Variants in KIF2C observed in about 807,000 individuals in gnomAD.
The protein encoded by KIF2C is kinesin family member 2C, also known as kinesin-like protein KIF2C.
Under a neutral mutation model 97.4 loss-of-function variants are expected in KIF2C, and 34 were observed. That is an observed-to-expected ratio of 0.35 (90% CI 0.27 to 0.46). The LOEUF is 0.46. Ranked by LOEUF, KIF2C falls within the 20% of genes least tolerant of loss-of-function variation. The pLI is 1.00. For missense variants in KIF2C, 750 were observed against 907.6 expected (o/e 0.83, Z 2.23); for synonymous variants, 313 against 318.2 (o/e 0.98, Z 0.17).
chr1:44,758,784 G>A (rs1459724939), intron 13 of KIF2C, among the ~76,000 whole-genome samples: 2 of 152,158 alleles, frequency 1.3e-5, no homozygotes, highest in South Asian at 2.1e-4. Context: ...TCTGAGGCAG[G>A]AGAATCGCTT....
Position 44,760,597 on chromosome 1 carries a change from C to T in KIF2C, c.1578C>T (p.Cys526=). ...INKSLLALKE[C]IRALGQNKAH... is the part of the protein sequence containing the mutation. ...TGTTCCTGCTGCCCCCACAGGAGTG[C>T]ATCAGGGCCCTGGGACAGAACAAGG... The change falls in exon 16 of 21, where the codon TGC becomes TGT. Residue 526 remains cysteine (C), a synonymous_variant. Coordinates refer to ENST00000372224, the MANE Select transcript of KIF2C (RefSeq NM_006845.4). The surrounding 1 kb of genome is among the most constrained non-coding windows in gnomAD (Gnocchi z 4.2). 6.2e-7 allele frequency: 1 copy of T among 1,614,058 alleles called. No individual in the cohort carries two copies. Among genetic ancestry groups the T allele is most frequent in the Non-Finnish European group, 8.5e-7 (1 of 1,179,942 alleles).
intron 2 of KIF2C, chr1:44,746,681 C>G (rs1557589959): frequency 1.3e-6 from 2 of 1,589,680 alleles, no homozygotes. Context: ...GCCTGCCTGT[C>G]TGCCCTCCTC....
chr1:44,762,551 A>G lies in KIF2C; in HGVS notation c.1864A>G (p.Lys622Glu). 1 of 1,613,678 alleles carries G rather than the reference A, an allele frequency of 6.2e-7. No homozygotes were observed. The highest frequency in any genetic ancestry group is 1.1e-5 in the South Asian group (1 of 91,072). Reference protein sequence around the residue: ...NGALIPGNLSKEEEELSSQMS... With the variant: ...NGALIPGNLSEEEEELSSQMS... ...TTCTTTTTGGCCCTCTCAGTTATCC[A>G]AGGAAGAGGAGGAACTGTCTTCCCA... is the stretch of plus-strand genomic sequence containing the variant. The change falls in exon 19 of 21, where the codon AAG becomes GAG. Residue 622 changes from lysine (K) to glutamate (E), a missense_variant. Lys to Glu is a moderately conservative substitution (Grantham distance 56, BLOSUM62 1). Transcript: ENST00000372224.
At position 44,762,342 on chromosome 1, in the gene KIF2C, T is replaced by A. The variant is rs1275494210; in HGVS notation, c.1752-4T>A. 2 of 1,610,966 alleles carry A rather than the reference T, an allele frequency of 1.2e-6. No homozygotes were observed. The highest frequency in any genetic ancestry group is 1.7e-6 in the Non-Finnish European group (2 of 1,177,288). On this transcript the variant is annotated splice_polypyrimidine_tract_variant and splice_region_variant and intron_variant, in intron 17 of 20. Coordinates refer to ENST00000372224, the MANE Select transcript of KIF2C (RefSeq NM_006845.4). ...TGGGATCTGAGACCTCCTTGTTTCC[T>A]CAGGGTCAAGGAGCTGAGCCCCCAC...
intron 19 of KIF2C, among the ~76,000 whole-genome samples, chr1:44,764,568 G>A (rs942273632): frequency 3.3e-5 from 5 of 151,604 alleles, no homozygotes; most frequent in South Asian, 2.1e-4. Context: ...GGAGTGCAAC[G>A]GCACCATCTC....
intron 2 of KIF2C, among the ~76,000 whole-genome samples, chr1:44,746,168 G>A (rs1649187711): frequency 6.6e-6 from 1 of 152,078 alleles, no homozygotes; most frequent in South Asian, 2.1e-4. Context: ...GTGAGCCACC[G>A]CACCCAGTCC....
chr1:44,750,379 GT>G, intron 4 of KIF2C, 62 bp from the exon 5 acceptor site: 1 of 1,320,794 alleles, frequency 7.6e-7, no homozygotes. Flanking sequence ...AAACTTGGAG[GT>G]TTGCCCCTGA....
intron 13 of KIF2C, 87 bp downstream of exon 13, chr1:44,758,227 C>G: frequency 1.8e-6 from 2 of 1,101,480 alleles, no homozygotes; most frequent in Non-Finnish European, 2.6e-6. Flanking sequence ...AGGCCAAAAA[C>G]CTATTAGCTG....
Position 44,755,797 on chromosome 1 carries a change from G to A in KIF2C, c.760-132G>A, listed in dbSNP as rs113061537. The A allele has an allele frequency of 4.1e-6, 3 of 727,524 alleles. No individual in the cohort carries two copies. The Admixed American group carries it at 6.8e-5, about 16-fold the overall frequency. The allele number at this position is 727,524 out of a possible 1,614,324, so 45.1% of individuals were successfully genotyped here. The stretch of plus-strand genomic sequence containing the variant: ...TGGAGTATCTAATGGAGGATGCAGG[G>A]GTCCTAGTGTTAGATCTTGGCCTCT... On this transcript the variant is annotated intron_variant, in intron 8 of 20. Transcript: ENST00000372224.
Position 44,760,580 on chromosome 1 carries a change from C to G in KIF2C, c.1573-12C>G, listed in dbSNP as rs746478760. 44 of 1,611,912 alleles carry G rather than the reference C, an allele frequency of 2.7e-5. No homozygotes were observed. Among genetic ancestry groups the G allele is most frequent in the Non-Finnish European group, 3.6e-5 (43 of 1,178,248 alleles). ...AAAGAAGGGACCTCAGTTGTTCCTG[C>G]TGCCCCCACAGGAGTGCATCAGGGC... On this transcript the variant is annotated splice_polypyrimidine_tract_variant and intron_variant, in intron 15 of 20. Transcript: ENST00000372224. The surrounding 1 kb of genome is among the most constrained non-coding windows in gnomAD (Gnocchi z 4.2).
chr1:44,753,700 C>CT (rs746294278), intron 6 of KIF2C, 33 bp from the exon 7 acceptor site: 1,041 of 1,432,424 alleles, frequency 7.3e-4, no homozygotes, highest in Middle Eastern at 1.3e-3. Flanking sequence ...AGTGGGCTTC[C>CT]TTTTTTTTTC....
At chr1:44,758,930 C>T (rs1278084363) in intron 13 of KIF2C, 4 of 432,594 alleles carry the variant, frequency 9.2e-6, no homozygotes, top group South Asian at 5.1e-5. Flanking sequence ...TAAGCACTAC[C>T]TGTCTCACCT....
At chr1:44,754,445 G>A (rs905167069) in intron 7 of KIF2C, among the ~76,000 whole-genome samples, 1 of 152,174 alleles carries the variant, frequency 6.6e-6, no homozygotes, top group Admixed American at 6.5e-5. Flanking sequence ...CGTATTTGGA[G>A]GGCAGGGACT....
Position 44,753,824 on chromosome 1 carries a change from G to A in KIF2C, c.654G>A (p.Lys218=). The part of the protein sequence containing the change: ...KKAQNSEMRM[K]RAQEYDSSFP... ...CCCAGAACTCTGAAATGAGAATGAAGAGAGCTCAGGTACCTTTCTTGGGAG... is the reference window on the plus strand; with the variant it reads ...CCCAGAACTCTGAAATGAGAATGAAAAGAGCTCAGGTACCTTTCTTGGGAG... The change falls in exon 7 of 21, where the codon AAG becomes AAA. Residue 218 remains lysine, a synonymous_variant. Transcript: ENST00000372224. 6.2e-7 allele frequency: 1 copy of A among 1,604,106 alleles called. No homozygotes were observed. The highest frequency in any genetic ancestry group is 8.5e-7 in the Non-Finnish European group (1 of 1,174,602).
intron 7 of KIF2C, 47 bp downstream of exon 7, chr1:44,753,880 T>C: frequency 8.4e-7 from 1 of 1,191,288 alleles, no homozygotes; most frequent in Non-Finnish European, 1.2e-6. Context: ...ACAGGTGTCC[T>C]TAACCGAAAC....
At chr1:44,766,802 G>C in intron 19 of KIF2C, 24 bp from the exon 20 acceptor site, 1 of 1,612,972 alleles carries the variant, frequency 6.2e-7, no homozygotes. Flanking sequence ...TTATTGAACT[G>C]ACAAGGTCCT....
At chr1:44,761,094 T>C (rs1342728057) in intron 16 of KIF2C, 1 of 216,606 alleles carries the variant, frequency 4.6e-6, no homozygotes, top group Admixed American at 5.2e-5. Context: ...GCCTGGATCA[T>C]AAGGCTGTGT....
chr1:44,750,614 A>G, intron 5 of KIF2C, 50 bp downstream of exon 5: 1 of 1,439,948 alleles, frequency 6.9e-7, no homozygotes, highest in Non-Finnish European at 9.2e-7. Flanking sequence ...CCTGGAGCAC[A>G]TTGCTTGGTC....
chr1:44,740,833 C>G, intron 1 of KIF2C, 80 bp from the exon 2 acceptor site: 2 of 510,834 alleles, frequency 3.9e-6, no homozygotes, highest in Non-Finnish European at 6.6e-6. Context: ...GTTAACTCCA[C>G]TTTGGGAATC....
Sources: gnomAD v4.1 joint callset for allele counts (sites outside exome capture counted in the v4.1 genomes callset) on GRCh38, gnomAD v4.1.1 for gene constraint, Gnocchi (gnomAD v3.1) non-coding constraint, MANE v1.5 for transcripts, NCBI Gene and HGNC (gene_info 2026-07-23, HGNC 2026-07-21) for gene names.